Variants in MKX observed in about 807,000 individuals in gnomAD.
MKX encodes homeobox protein Mohawk.
MKX carries 13 observed loss-of-function variants against 36.0 expected under a neutral mutation model. That is an observed-to-expected ratio of 0.36 (90% CI 0.24 to 0.57). The LOEUF (loss-of-function observed/expected upper bound fraction) is 0.57, where lower values mean the gene tolerates loss of function less well. Among genes scored for constraint, MKX ranks in the 20% least tolerant of loss-of-function variants. The probability of loss-of-function intolerance (pLI) is 0.79; values close to 1 mark genes in which losing one functional copy is unlikely to be tolerated. For missense variants in MKX, 458 were observed against 456.4 expected (o/e 1.00, Z -0.03); for synonymous variants, 176 against 178.3 (o/e 0.99, Z 0.10).
At chr10:27,717,375 C>A (rs1836984505) in intron 5 of MKX, among the ~76,000 whole-genome samples, 1 of 152,188 alleles carries the variant, frequency 6.6e-6, no homozygotes, top group Admixed American at 6.5e-5. Context: ...AAACTGTTCT[C>A]TGATTTATAA....
intron 5 of MKX, among the ~76,000 whole-genome samples, chr10:27,712,281 T>C (rs2132596586): frequency 6.6e-6 from 1 of 152,318 alleles, no homozygotes; most frequent in South Asian, 2.1e-4. Flanking sequence ...TTGAAACTCC[T>C]ACAATTATAA....
intron 5 of MKX, among the ~76,000 whole-genome samples, chr10:27,711,424 CT>C (rs1836850596): frequency 8.1e-6 from 1 of 123,682 alleles, no homozygotes; most frequent in Non-Finnish European, 1.7e-5. Context: ...TTCTTTCTTT[CT>C]TTTCTCTTTC....
chr10:27,702,899 A>C (rs1027806197), intron 5 of MKX, among the ~76,000 whole-genome samples: 1 of 152,122 alleles, frequency 6.6e-6, no homozygotes, highest in Admixed American at 6.5e-5. Context: ...ATGCCAGTGC[A>C]CTCACTTCCA....
chr10:27,685,269 A>C (rs1333461288), intron 5 of MKX, among the ~76,000 whole-genome samples: 1 of 152,224 alleles, frequency 6.6e-6, no homozygotes, highest in Non-Finnish European at 1.5e-5. Flanking sequence ...CCTATTAAAA[A>C]TGGATTAAAC....
intron 5 of MKX, among the ~76,000 whole-genome samples, chr10:27,707,153 T>C (rs1160334171): frequency 6.6e-6 from 1 of 151,426 alleles, no homozygotes; most frequent in Non-Finnish European, 1.5e-5. Flanking sequence ...GCAGTCCCTT[T>C]GGAAAGCAAA....
At chr10:27,720,781 T>C (rs940150647) in intron 5 of MKX, among the ~76,000 whole-genome samples, 2 of 152,042 alleles carry the variant, frequency 1.3e-5, no homozygotes, top group Admixed American at 6.6e-5. Context: ...CTGGCCAACA[T>C]GATGCAATAA....
chr10:27,708,867 C>T (rs1271899538), intron 5 of MKX, among the ~76,000 whole-genome samples: 2 of 151,958 alleles, frequency 1.3e-5, no homozygotes, highest in African/African-American at 2.4e-5. Flanking sequence ...AAAAAATAAA[C>T]AATAAAAAGC....
Position 27,742,428 on chromosome 10 carries a change from G to C in MKX, c.188+800C>G, listed in dbSNP as rs552266772. Among the ~76,000 whole-genome samples the C allele has an allele frequency of 1.3e-4, 20 of 152,246 alleles. 1 individual carries two copies. The South Asian group carries it at 4.1e-3, about 32-fold the overall frequency. Reference sequence around the variant, plus strand: ...AAACGACTGGTAGTAACATTTTGACGAAACCGAATCTCTGTTTTACTAAGC... The same window carrying C: ...AAACGACTGGTAGTAACATTTTGACCAAACCGAATCTCTGTTTTACTAAGC... On this transcript the variant is annotated intron_variant, in intron 2 of 6. Coordinates refer to ENST00000419761, the MANE Select transcript of MKX (RefSeq NM_173576.3). This position sits in a 1 kb window ranked among gnomAD's most constrained non-coding sequence, Gnocchi z 4.2.
At chr10:27,693,327 G>A (rs1836488338) in intron 5 of MKX, among the ~76,000 whole-genome samples, 1 of 152,170 alleles carries the variant, frequency 6.6e-6, no homozygotes, top group Non-Finnish European at 1.5e-5. Context: ...GAGTTAAGAA[G>A]TGTAATATGC....
At chr10:27,731,094 A>G (rs1330024232) in intron 5 of MKX, among the ~76,000 whole-genome samples, 2 of 149,098 alleles carry the variant, frequency 1.3e-5, no homozygotes, top group African/African-American at 4.9e-5. Context: ...AGATCGTGCC[A>G]CTGCACTCCA....
intron 5 of MKX, among the ~76,000 whole-genome samples, chr10:27,680,258 G>C (rs573142218): frequency 6.6e-6 from 1 of 151,272 alleles, no homozygotes; most frequent in Non-Finnish European, 1.5e-5. Context: ...AGATTCCAAG[G>C]TTCCAAAAAT....
intron 5 of MKX, among the ~76,000 whole-genome samples, chr10:27,701,594 GT>G (rs947519199): frequency 2.1e-5 from 3 of 141,458 alleles, no homozygotes; most frequent in South Asian, 2.2e-4. Context: ...TAAAATTATT[GT>G]TTTTAATATT....
chr10:27,686,207 T>C (rs1434901132), intron 5 of MKX, among the ~76,000 whole-genome samples: 3 of 152,168 alleles, frequency 2.0e-5, no homozygotes, highest in Non-Finnish European at 2.9e-5. Context: ...AAATAATAAA[T>C]GAATAAAATG....
At chr10:27,717,220 G>A (rs1836982181) in intron 5 of MKX, among the ~76,000 whole-genome samples, 1 of 152,268 alleles carries the variant, frequency 6.6e-6, no homozygotes. Context: ...TGTCATCCTG[G>A]TGAGACCCTG....
chr10:27,735,048 G>T (rs1357273864), intron 4 of MKX, among the ~76,000 whole-genome samples, 173 bp downstream of exon 4: 1 of 152,010 alleles, frequency 6.6e-6, no homozygotes, highest in Non-Finnish European at 1.5e-5. Flanking sequence ...AGAGGAAATG[G>T]CCATCATTCC....
chr10:27,739,420 T>C (rs1834846262), intron 3 of MKX, among the ~76,000 whole-genome samples: 1 of 152,140 alleles, frequency 6.6e-6, no homozygotes, highest in African/African-American at 2.4e-5. Flanking sequence ...TAAAATTACA[T>C]ATTTCTGTGC....
intron 5 of MKX, among the ~76,000 whole-genome samples, chr10:27,695,996 G>C (rs1836546879): frequency 6.6e-6 from 1 of 152,132 alleles, no homozygotes; most frequent in Non-Finnish European, 1.5e-5. Context: ...TAACCTATTA[G>C]CTATTTGAAT....
rs1391922537 is a variant in MKX at position 27,711,483 on chromosome 10, C to CTT, written c.838+22972_838+22973insAA. Among the ~76,000 whole-genome samples, 197 of 63,224 alleles carry CTT rather than the reference C, an allele frequency of 3.1e-3. 1 individual carries two copies. The highest frequency in any genetic ancestry group is 6.8e-3 in the African/African-American group (118 of 17,310). The allele number at this position is 63,224 out of a possible 152,430, so 41.5% of individuals were successfully genotyped here. ...TCTTTCTTTCTTTCTTTCTTTCTTT[C>CTT]TCTCTCTCTCTCTTCTTTCCTTCCT... On this transcript the variant is annotated intron_variant, in intron 5 of 6. Coordinates refer to ENST00000419761, the MANE Select transcript of MKX (RefSeq NM_173576.3).
At chr10:27,684,374 TTTG>T (rs1399297482) in intron 5 of MKX, among the ~76,000 whole-genome samples, 8 of 152,050 alleles carry the variant, frequency 5.3e-5, no homozygotes, top group African/African-American at 1.4e-4. Flanking sequence ...AAATATAGCA[TTTG>T]TTGTTTTTCT....
Sources: gnomAD v4.1 joint callset for allele counts (sites outside exome capture counted in the v4.1 genomes callset) on GRCh38, gnomAD v4.1.1 for gene constraint, Gnocchi (gnomAD v3.1) non-coding constraint, MANE v1.5 for transcripts, NCBI Gene and HGNC (gene_info 2026-07-23, HGNC 2026-07-21) for gene names.